Variants in RIBC1 observed in about 807,000 individuals in gnomAD.
The protein encoded by RIBC1 is RIB43A-like with coiled-coils protein 1.
RIBC1 carries 12 observed loss-of-function variants against 33.7 expected under a neutral mutation model. The observed-to-expected ratio is 0.36, with a 90% confidence interval of 0.23 to 0.58. RIBC1 has a LOEUF of 0.58. Among genes scored for constraint, RIBC1 ranks in the 20% least tolerant of loss-of-function variants. RIBC1 has a pLI of 0.81. For missense variants in RIBC1, 242 were observed against 311.6 expected, an observed-to-expected ratio of 0.78 and a Z score of 1.68; for synonymous variants, 89 against 109.0, an observed-to-expected ratio of 0.82 and a Z score of 1.14.
intron 4 of RIBC1, 84 bp from the exon 5 acceptor site, chrX:53,428,199 A>G (rs2075802089): frequency 8.3e-7 from 1 of 1,201,219 alleles, no homozygotes; most frequent in Non-Finnish European, 1.1e-6. Flanking sequence ...GACAAATTGG[A>G]TGGACCTTGA....
At chrX:53,424,040 C>T (rs1308065601) in intron 2 of RIBC1, among the ~76,000 whole-genome samples, 2 of 110,691 alleles carry the variant, frequency 1.8e-5, no homozygotes, top group African/African-American at 6.6e-5. Flanking sequence ...CACCACTTCA[C>T]TCCAGCCTAG....
intron 2 of RIBC1, 36 bp from the exon 3 acceptor site, chrX:53,426,241 G>A (rs2075791008): frequency 2.1e-6 from 2 of 946,150 alleles, no homozygotes; most frequent in African/African-American, 1.9e-5. Flanking sequence ...ACGGTGGTCG[G>A]CACTGATGGG....
At chrX:53,430,177 A>T (rs1433662808) in intron 6 of RIBC1, among the ~76,000 whole-genome samples, 1 of 112,196 alleles carries the variant, frequency 8.9e-6, no homozygotes, top group African/African-American at 3.2e-5. Flanking sequence ...TGAGAATAGA[A>T]CATTGCCCTC....
chrX:53,430,307 T>G (rs901731661), intron 6 of RIBC1, 89 bp from the exon 7 acceptor site: 11 of 741,027 alleles, frequency 1.5e-5, no homozygotes, highest in Non-Finnish European at 2.0e-5. Context: ...CTCCTTGAGA[T>G]GGAAGAGTAG....
chrX:53,429,183 A>C (rs1331816345), intron 5 of RIBC1: 1 of 117,084 alleles, frequency 8.5e-6, no homozygotes, highest in Non-Finnish European at 1.8e-5. Flanking sequence ...CTAAAATGTC[A>C]GCCTACTGAA....
chrX:53,431,056 A>T lies in RIBC1; in HGVS notation c.*68A>T. 1.7e-6 allele frequency: 2 copies of T among 1,202,926 alleles called. No homozygotes were observed. The highest frequency in any genetic ancestry group is 2.2e-6 in the Non-Finnish European group (2 of 889,278). On this transcript the variant is annotated 3_prime_UTR_variant, in exon 8 of 8. Transcript: ENST00000375327. ...TCACAGGTGGTTAGGAGTCAAAGAG[A>T]AAAATGCTGCATACTCCCACCTTCT...
chrX:53,426,867 T>A (rs1556893340), intron 3 of RIBC1, among the ~76,000 whole-genome samples: 1 of 111,388 alleles, frequency 9.0e-6, no homozygotes, highest in Non-Finnish European at 1.9e-5. Context: ...ATGCCTATAA[T>A]CCCAGCTACT....
intron 3 of RIBC1, among the ~76,000 whole-genome samples, chrX:53,426,958 C>G (rs782687299): frequency 7.8e-4 from 87 of 111,920 alleles, no homozygotes; most frequent in Admixed American, 1.3e-3. Flanking sequence ...TGCACTCCAG[C>G]CTGAGCAACA....
In RIBC1 at chrX:53,428,511, C is replaced by T; in HGVS notation, c.428C>T (p.Ser143Phe). 1 of 1,209,471 alleles carries T rather than the reference C, an allele frequency of 8.3e-7. No homozygotes were observed. The highest frequency in any genetic ancestry group is 1.1e-6 in the Non-Finnish European group (1 of 893,992). ...YPGPASLQYFSGEDLDRDTRL... is the reference protein window; with the variant it reads ...YPGPASLQYFFGEDLDRDTRL... ...GGTCCAGCCAGCCTGCAGTACTTCT[C>T]TGGGGAAGACCTAGACAGGGACACA... Residue 143 changes from serine to phenylalanine, a missense_variant, in exon 5 of 8, where the codon TCT becomes TTT. Physicochemically the swap from Ser to Phe is radical, Grantham distance 155. Coordinates refer to ENST00000375327, the MANE Select transcript of RIBC1 (RefSeq NM_001031745.5).
In RIBC1 at chrX:53,430,547, A is replaced by T. The variant is rs144735761; in HGVS notation, c.815A>T (p.Tyr272Phe). 1 of 1,206,178 alleles carries T rather than the reference A, an allele frequency of 8.3e-7. No homozygotes were observed. The highest frequency in any genetic ancestry group is 1.1e-6 in the Non-Finnish European group (1 of 893,133). Residue 272 changes from tyrosine (Y) to phenylalanine (F), a missense_variant, in exon 7 of 8, where the codon TAT (tyrosine) becomes TTT (phenylalanine). Coordinates refer to ENST00000375327, the MANE Select transcript of RIBC1 (RefSeq NM_001031745.5). ...ATGGCTCCCTACCGGGTCCTGCCCT[A>T]TTGCTGGAAGGGCATGACTCCAGAG... ...HPMAPYRVLP[Y>F]CWKGMTPEQQ...
chrX:53,429,553 C>G (rs1432744475), intron 5 of RIBC1: 3 of 395,963 alleles, frequency 7.6e-6, no homozygotes, highest in Non-Finnish European at 1.1e-5. Context: ...TCATTAGAAC[C>G]CAGCACATGG....
At chrX:53,426,514 G>C in intron 3 of RIBC1, 121 bp downstream of exon 3, 1 of 517,572 alleles carries the variant, frequency 1.9e-6, no homozygotes. Flanking sequence ...CCCTAGGGCA[G>C]GAAAGGAAAG....
intron 5 of RIBC1, chrX:53,429,022 T>G: frequency 5.0e-6 from 1 of 198,170 alleles, no homozygotes; most frequent in Non-Finnish European, 8.8e-6. Flanking sequence ...TCTCTTCCAT[T>G]AGAAGAAGCC....
chrX:53,428,235 C>T (rs2075802590), intron 4 of RIBC1, 48 bp from the exon 5 acceptor site: 1 of 1,198,331 alleles, frequency 8.3e-7, no homozygotes, highest in African/African-American at 1.8e-5. Context: ...TAAGTGGACT[C>T]TGTCCCTCCT....
Position 53,430,729 on chromosome X carries a change from GC to G in RIBC1, c.998del (p.Ala333ValfsTer7). ...AGAAGAGCAGGAGAGGGAATTGTGT[GC>G]TGTATTTCAAAGGGGTCTAGGATCC... ...ELEEQERELC[A>X]VFQRGLGSFN... On this transcript the variant is annotated frameshift_variant, in exon 7 of 8. Transcript: ENST00000375327. LOFTEE classifies it high-confidence loss of function. 1 of 1,204,484 alleles carries G rather than the reference GC, an allele frequency of 8.3e-7. No individual in the cohort carries two copies. Among genetic ancestry groups the G allele is most frequent in the Non-Finnish European group, 1.1e-6 (1 of 891,354 alleles).
chrX:53,423,770 A>C (rs2075775126), intron 2 of RIBC1, among the ~76,000 whole-genome samples: 1 of 112,004 alleles, frequency 8.9e-6, no homozygotes, highest in African/African-American at 3.3e-5. Context: ...AAGACTTAGG[A>C]CAAGTCCAGG....
chrX:53,424,589 C>T (rs1182577816), intron 2 of RIBC1, among the ~76,000 whole-genome samples: 1 of 108,744 alleles, frequency 9.2e-6, no homozygotes, highest in Non-Finnish European at 1.9e-5. Context: ...TCTTGAACTC[C>T]TGACCTCCTG....
intron 7 of RIBC1, 51 bp downstream of exon 7, chrX:53,430,841 G>A: frequency 8.3e-7 from 1 of 1,207,236 alleles, no homozygotes; most frequent in Non-Finnish European, 1.1e-6. Flanking sequence ...AGGGAGAGGA[G>A]GGATGGTGAG....
chrX:53,426,316 G>T lies in RIBC1; in HGVS notation c.40G>T (p.Ala14Ser). The T allele has an allele frequency of 8.3e-7, 1 of 1,209,625 alleles. No individual in the cohort carries two copies. Among genetic ancestry groups the T allele is most frequent in the Non-Finnish European group, 1.1e-6 (1 of 893,761 alleles). ...IKQSTDTKEA[A>S]AIEARRNREK... ...ACAGTCAACAGATACCAAGGAAGCAGCAGCCATCGAGGCTAGAAGAAATCG... is the reference window on the plus strand; with the variant it reads ...ACAGTCAACAGATACCAAGGAAGCATCAGCCATCGAGGCTAGAAGAAATCG... Residue 14 changes from alanine to serine, a missense_variant, in exon 3 of 8, where the codon GCA (alanine) becomes TCA (serine). Physicochemically the swap from Ala to Ser is moderately conservative, Grantham distance 99. Transcript: ENST00000375327.
Sources: allele counts gnomAD v4.1 joint callset (sites outside exome capture counted in the v4.1 genomes callset), GRCh38; gene constraint gnomAD v4.1.1; transcripts MANE v1.5; gene names NCBI Gene and HGNC (gene_info 2026-07-23, HGNC 2026-07-21).